The following ZBBX variants were observed in gnomAD, a reference collection of about 807,000 sequenced individuals.
ZBBX encodes zinc finger B-box domain-containing protein 1.
A neutral mutation model predicts 108.5 loss-of-function variants in ZBBX; 101 were observed. The ratio of observed to expected loss-of-function variants is 0.93; its 90% CI spans 0.79 to 1.10. The LOEUF (loss-of-function observed/expected upper bound fraction) is 1.10. Ranked by LOEUF, ZBBX falls within the 50% of genes least tolerant of loss-of-function variation. The pLI is 0.00. For missense variants in ZBBX, 1,009 were observed against 941.4 expected (o/e 1.07, Z -0.94); for synonymous variants, 356 against 323.4 (o/e 1.10, Z -1.08).
intron 20 of ZBBX, 83 bp downstream of exon 20, chr3:167,282,155 T>C: frequency 7.1e-7 from 1 of 1,400,612 alleles, no homozygotes; most frequent in Admixed American, 2.3e-5. Context: ...TGCTGGCTTG[T>C]TTTGTTAGCG....
the ZBBX span, among the ~76,000 whole-genome samples, chr3:167,225,570 G>T: frequency 3.3e-3 from 504 of 151,880 alleles, 2 homozygotes; most frequent in Middle Eastern, 0.01. Context: ...AGAGTAATCT[G>T]ACTTGGATCA....
chr3:167,208,099 A>G, the ZBBX span, among the ~76,000 whole-genome samples: 1 of 152,210 alleles, frequency 6.6e-6, no homozygotes, highest in Non-Finnish European at 1.5e-5. Context: ...GCCAGTGCCC[A>G]TGAAGGAAGC....
intron 4 of ZBBX, among the ~76,000 whole-genome samples, chr3:167,372,134 C>G (rs563708584): frequency 2.0e-5 from 3 of 152,190 alleles, no homozygotes; most frequent in Admixed American, 2.0e-4. Flanking sequence ...TTGCCTGAGG[C>G]CGGGAGGTGG....
intron 20 of ZBBX, among the ~76,000 whole-genome samples, chr3:167,272,666 C>T (rs1158912346): frequency 1.3e-5 from 2 of 152,224 alleles, no homozygotes; most frequent in Admixed American, 1.3e-4. Flanking sequence ...CAAGTTATTA[C>T]ATTTGACGCT....
intron 16 of ZBBX, among the ~76,000 whole-genome samples, chr3:167,309,062 C>T (rs1274341730): frequency 6.6e-6 from 1 of 152,140 alleles, no homozygotes; most frequent in Non-Finnish European, 1.5e-5. Flanking sequence ...GAAGTTGCCA[C>T]CCCTTTTCCA....
rs538119943 is a variant in ZBBX at position 167,331,453 on chromosome 3, C to A, written c.687+2374G>T. 2.4e-4 allele frequency: 137 copies of A among 575,480 alleles called. 1 individual carries two copies. Among genetic ancestry groups the A allele is most frequent in the Non-Finnish European group, 2.8e-4 (126 of 455,948 alleles). 35.6% of individuals were successfully genotyped at this position (575,480 alleles called of 1,614,324 possible). A position where few individuals can be genotyped will look rare whatever the true frequency, so the allele number is the denominator to read the frequency against. On this transcript the variant is annotated intron_variant, in intron 10 of 21. Coordinates refer to ENST00000675490, the MANE Select transcript of ZBBX (RefSeq NM_001199201.2). ...GCATTGAAAACTCAGTGGCTTAATA[C>A]AAAATGATTTCAACATGCAGCAATT...
At chr3:167,233,323 T>C in the ZBBX span, among the ~76,000 whole-genome samples, 1 of 151,760 alleles carries the variant, frequency 6.6e-6, no homozygotes, top group Non-Finnish European at 1.5e-5. Flanking sequence ...TAGAGTTAAA[T>C]ATACAATTAA....
chr3:167,379,415 A>C (rs1455788972), intron 2 of ZBBX, among the ~76,000 whole-genome samples: 1 of 152,236 alleles, frequency 6.6e-6, no homozygotes, highest in Non-Finnish European at 1.5e-5. Context: ...ATTCATTTGT[A>C]ATACAATTGG....
In ZBBX at chr3:167,305,707, A is replaced by G; in HGVS notation, c.1661T>C (p.Leu554Ser). Reference protein sequence around the residue: ...EKLSQDIKESLELSNLYKRPS... With the variant: ...EKLSQDIKESSELSNLYKRPS... ...CCTCTTATACAGATTGCTCAATTCC[A>G]AGGATTCTTTGATGTCTTGAGATAA... The change falls in exon 17 of 22, where the codon TTG becomes TCG. Residue 554 changes from leucine (L) to serine (S), a missense_variant. Transcript: ENST00000675490. 1 of 1,610,712 alleles carries G rather than the reference A, an allele frequency of 6.2e-7. No homozygotes were observed. Among genetic ancestry groups the G allele is most frequent in the Non-Finnish European group, 8.5e-7 (1 of 1,178,962 alleles).
At chr3:167,204,459 T>G in the ZBBX span, among the ~76,000 whole-genome samples, 1 of 147,012 alleles carries the variant, frequency 6.8e-6, no homozygotes, top group South Asian at 2.2e-4. Flanking sequence ...ATCTCATTGT[T>G]CAATTCCCAC....
chr3:167,281,723 C>A (rs1380649588), intron 20 of ZBBX, among the ~76,000 whole-genome samples: 1 of 152,186 alleles, frequency 6.6e-6, no homozygotes, highest in Non-Finnish European at 1.5e-5. Flanking sequence ...CAACTAGCAG[C>A]ACTGGCATCA....
chr3:167,207,121 C>T, the ZBBX span, among the ~76,000 whole-genome samples: 6 of 152,126 alleles, frequency 3.9e-5, no homozygotes, highest in African/African-American at 1.4e-4. Context: ...CAAAAACAGA[C>T]ATAAAGTAGG....
rs144152444 is a variant in ZBBX at position 167,293,389 on chromosome 3, C to T, written c.1880-4406G>A. 5.5e-4 allele frequency among the ~76,000 whole-genome samples: 84 copies of T among 152,286 alleles called. No individual in the cohort carries two copies. The East Asian group carries it at 0.015, about 27-fold the overall frequency. On this transcript the variant is annotated intron_variant, in intron 18 of 21. Coordinates refer to ENST00000675490, the MANE Select transcript of ZBBX (RefSeq NM_001199201.2). Reference sequence around the variant, plus strand: ...ATCCCTGGATGCAAGGCTGGTTCAACAAACGCAAATCAATAAATGTAATCC... The same window carrying T: ...ATCCCTGGATGCAAGGCTGGTTCAATAAACGCAAATCAATAAATGTAATCC...
chr3:167,229,300 G>A, the ZBBX span, among the ~76,000 whole-genome samples: 1 of 151,818 alleles, frequency 6.6e-6, no homozygotes, highest in East Asian at 2.0e-4. Flanking sequence ...CGAATTAAAC[G>A]TCACTTCTTC....
intron 9 of ZBBX, among the ~76,000 whole-genome samples, chr3:167,338,657 A>G (rs1739989745): frequency 6.6e-6 from 1 of 152,124 alleles, no homozygotes; most frequent in African/African-American, 2.4e-5. Flanking sequence ...TTCAGTCACA[A>G]AATTTTAGAA....
the ZBBX span, among the ~76,000 whole-genome samples, chr3:167,181,123 C>A: frequency 1.3e-5 from 2 of 152,156 alleles, no homozygotes; most frequent in Non-Finnish European, 2.9e-5. Flanking sequence ...CAACTGCCGC[C>A]ATCAAAAATG....
chr3:167,304,428 C>G (rs1159525343), intron 17 of ZBBX, among the ~76,000 whole-genome samples: 1 of 152,142 alleles, frequency 6.6e-6, no homozygotes, highest in African/African-American at 2.4e-5. Context: ...CAATCGTTTT[C>G]TTCACTGGGG....
At position 167,361,695 on chromosome 3, in the gene ZBBX, T is replaced by C. The variant is rs371504303; in HGVS notation, c.274-972A>G. Among the ~76,000 whole-genome samples, 52 of 152,324 alleles carry C rather than the reference T, an allele frequency of 3.4e-4. No individual in the cohort carries two copies. In the East Asian group the frequency reaches 5.6e-3, roughly 16 times the overall value. On this transcript the variant is annotated intron_variant, in intron 6 of 21. Transcript: ENST00000675490. ...AAACACAGCAGAAAAGAAAATAAGA[T>C]TGAAATCATCAATTTTTCTATGAAC...
At chr3:167,382,979 C>A (rs1747798561), upstream of ZBBX, among the ~76,000 whole-genome samples, 1 of 152,130 alleles carries the variant, frequency 6.6e-6, no homozygotes. Flanking sequence ...TTCCTATATA[C>A]AGTCAGCTAC....
Sources: gnomAD v4.1 joint callset for allele counts (sites outside exome capture counted in the v4.1 genomes callset) on GRCh38, gnomAD v4.1.1 for gene constraint, MANE v1.5 for transcripts, NCBI Gene and HGNC (gene_info 2026-07-23, HGNC 2026-07-21) for gene names.